Variants in CDC42SE2 observed in about 807,000 individuals in gnomAD.
CDC42SE2 encodes CDC42 small effector 2.
In CDC42SE2, 3 loss-of-function variants were observed where a neutral mutation model predicts 11.5. That is an observed-to-expected ratio of 0.26 (90% CI 0.12 to 0.67). CDC42SE2 has a LOEUF of 0.67. Ranked by LOEUF, CDC42SE2 falls within the 30% of genes least tolerant of loss-of-function variation. The pLI is 0.80. For synonymous variants in CDC42SE2, 33 were observed against 34.8 expected (o/e 0.95, Z 0.18); for missense variants, 82 against 106.8 (o/e 0.77, Z 1.02).
chr5:131,286,806 A>G (rs1026720542), intron 1 of CDC42SE2, among the ~76,000 whole-genome samples: 10 of 152,064 alleles, frequency 6.6e-5, no homozygotes, highest in East Asian at 5.8e-4. Flanking sequence ...AATACAATAT[A>G]TAATACATAT....
chr5:131,377,446 G>C (rs1750190337), intron 3 of CDC42SE2, among the ~76,000 whole-genome samples: 1 of 152,180 alleles, frequency 6.6e-6, no homozygotes, highest in Non-Finnish European at 1.5e-5. Flanking sequence ...TAGGCTTACA[G>C]GCGTGAGCCA....
chr5:131,300,912 A>G (rs1757665005), intron 1 of CDC42SE2, among the ~76,000 whole-genome samples: 1 of 152,224 alleles, frequency 6.6e-6, no homozygotes, highest in Non-Finnish European at 1.5e-5. Context: ...TTTTTTAGCT[A>G]TGATATGTCA....
intron 1 of CDC42SE2, among the ~76,000 whole-genome samples, chr5:131,290,490 T>TG (rs1180870834): frequency 2.4e-4 from 35 of 147,684 alleles, no homozygotes; most frequent in African/African-American, 8.8e-4. Flanking sequence ...TTTTTTGTTT[T>TG]TTTTTTTTTT....
At chr5:131,294,477 G>A (rs533115769) in intron 1 of CDC42SE2, among the ~76,000 whole-genome samples, 10 of 152,214 alleles carry the variant, frequency 6.6e-5, no homozygotes, top group South Asian at 2.1e-4. Flanking sequence ...ATTTAGTTTC[G>A]AATGAAAGAG....
rs1364547395 is a variant in CDC42SE2, at chr5:131,382,542, A to G, written c.55-3001A>G. 2.6e-5 allele frequency among the ~76,000 whole-genome samples: 4 copies of G among 152,338 alleles called. No individual in the cohort carries two copies. In the East Asian group the frequency reaches 5.8e-4, roughly 22 times the overall value. ...GTTGCTTCTGCAGGTTCACAGGACA[A>G]GGGTTGATCAAGACTCCTCCTAGTG... On this transcript the variant is annotated intron_variant, in intron 3 of 4. Transcript: ENST00000505065.
At chr5:131,314,693 A>G (rs73249227) in intron 1 of CDC42SE2, among the ~76,000 whole-genome samples, 1 of 152,192 alleles carries the variant, frequency 6.6e-6, no homozygotes, top group Non-Finnish European at 1.5e-5. Context: ...CAGAGTTAGC[A>G]TAGCCTCTTA....
chr5:131,359,424 C>T lies in CDC42SE2; in HGVS notation c.-70C>T. The T allele has an allele frequency of 9.4e-7, 1 of 1,058,986 alleles. No homozygotes were observed. The highest frequency in any genetic ancestry group is 1.3e-5 in the South Asian group (1 of 79,966). 65.6% of individuals were successfully genotyped at this position (1,058,986 alleles called of 1,614,324 possible). On this transcript the variant is annotated 5_prime_UTR_variant, in exon 3 of 5. Coordinates refer to ENST00000505065, the MANE Select transcript of CDC42SE2 (RefSeq NM_001375635.1). ...CACTGGACATCATCGTATTGAGGAGCGTATTTTTGGAACTTCCCGAGTTGA... is the reference window on the plus strand; with the variant it reads ...CACTGGACATCATCGTATTGAGGAGTGTATTTTTGGAACTTCCCGAGTTGA...
intron 1 of CDC42SE2, among the ~76,000 whole-genome samples, chr5:131,285,875 A>G (rs539790791): frequency 1.2e-4 from 19 of 152,250 alleles, no homozygotes; most frequent in South Asian, 1.2e-3. Flanking sequence ...GAGTTAGGCT[A>G]TCACAATTGT....
chr5:131,211,911 G>A, the CDC42SE2 span, among the ~76,000 whole-genome samples: 1 of 151,792 alleles, frequency 6.6e-6, no homozygotes. Context: ...TGAGCCCAGG[G>A]AGGTGGAGGC....
chr5:131,345,815 A>G (rs1334602347), intron 2 of CDC42SE2, among the ~76,000 whole-genome samples: 3 of 152,248 alleles, frequency 2.0e-5, no homozygotes, highest in Non-Finnish European at 4.4e-5. Flanking sequence ...CAGAAACTCT[A>G]TAAGCCAGAA....
At chr5:131,270,837 G>A (rs1756980561) in intron 1 of CDC42SE2, among the ~76,000 whole-genome samples, 2 of 152,172 alleles carry the variant, frequency 1.3e-5, no homozygotes, top group East Asian at 1.9e-4. Flanking sequence ...TTGTTTTGGA[G>A]GAAGAGTCGT....
At chr5:131,216,580 G>C in the CDC42SE2 span, among the ~76,000 whole-genome samples, 1 of 150,590 alleles carries the variant, frequency 6.6e-6, no homozygotes, top group Non-Finnish European at 1.5e-5. Context: ...AAGATTGACA[G>C]AAAGAGGCCA....
In CDC42SE2 at chr5:131,293,519, T is replaced by C. The variant is rs1658654937; in HGVS notation, c.-454-22457T>C. ...CCCGGGAGGCGGAGGTTGCAGTGAGTGGAGATCAGGCCACTGCACTCTAGC... is the reference window on the plus strand; with the variant it reads ...CCCGGGAGGCGGAGGTTGCAGTGAGCGGAGATCAGGCCACTGCACTCTAGC... On this transcript the variant is annotated intron_variant, in intron 1 of 4. Coordinates refer to ENST00000505065, the MANE Select transcript of CDC42SE2 (RefSeq NM_001375635.1). 2.1e-5 allele frequency among the ~76,000 whole-genome samples: 3 copies of C among 139,614 alleles called. No individual in the cohort carries two copies. The South Asian group carries it at 6.6e-4, about 31-fold the overall frequency. The allele number at this position is 139,614 out of a possible 152,430, so 91.6% of individuals were successfully genotyped here.
chr5:131,376,315 C>A (rs1420192523), intron 3 of CDC42SE2, among the ~76,000 whole-genome samples: 2 of 151,792 alleles, frequency 1.3e-5, no homozygotes, highest in African/African-American at 4.8e-5. Flanking sequence ...GTGGCTGAGA[C>A]AAGAAGTGAG....
At chr5:131,267,611 G>A (rs888891067) in intron 1 of CDC42SE2, among the ~76,000 whole-genome samples, 1 of 152,110 alleles carries the variant, frequency 6.6e-6, no homozygotes, top group Non-Finnish European at 1.5e-5. Flanking sequence ...GATTAATAAA[G>A]TGATTAATAA....
intron 2 of CDC42SE2, among the ~76,000 whole-genome samples, chr5:131,321,045 C>T (rs1758176641): frequency 6.6e-6 from 1 of 152,036 alleles, no homozygotes; most frequent in South Asian, 2.1e-4. Context: ...ATTCTAATGC[C>T]TTATTAGAGG....
chr5:131,228,925 T>C, the CDC42SE2 span, among the ~76,000 whole-genome samples: 1 of 152,364 alleles, frequency 6.6e-6, no homozygotes, highest in South Asian at 2.1e-4. Context: ...CTTGGACTTC[T>C]AGCTTCTAGA....
intron 3 of CDC42SE2, among the ~76,000 whole-genome samples, chr5:131,369,121 A>G (rs1261386520): frequency 2.0e-5 from 3 of 152,130 alleles, no homozygotes; most frequent in African/African-American, 7.2e-5. Flanking sequence ...TTTACCATCT[A>G]TGTATGTATC....
At chr5:131,374,216 C>G (rs1428987202) in intron 3 of CDC42SE2, among the ~76,000 whole-genome samples, 1 of 152,100 alleles carries the variant, frequency 6.6e-6, no homozygotes, top group Non-Finnish European at 1.5e-5. Context: ...AGTCACTTAG[C>G]TATTTAATCG....
Sources: gnomAD v4.1 joint callset for allele counts (sites outside exome capture counted in the v4.1 genomes callset) on GRCh38, gnomAD v4.1.1 for gene constraint, MANE v1.5 for transcripts, NCBI Gene and HGNC (gene_info 2026-07-23, HGNC 2026-07-21) for gene names.